The following AKT3 variants were observed in gnomAD, a reference collection of about 807,000 sequenced individuals.
AKT3 encodes the protein RAC-gamma serine/threonine-protein kinase.
In AKT3, 15 loss-of-function variants were observed where a neutral mutation model predicts 65.3. The ratio of observed to expected loss-of-function variants is 0.23; its 90% confidence interval spans 0.15 to 0.35. The LOEUF (loss-of-function observed/expected upper bound fraction) is 0.35. AKT3 is among the 10% of genes least tolerant of loss of function. AKT3 has a pLI of 1.00. For synonymous variants in AKT3, 206 were observed against 183.8 expected (o/e 1.12, Z -0.98); for missense variants, 243 against 576.5 (o/e 0.42, Z 5.92).
At chr1:243,739,933 G>A (rs1418374892) in intron 2 of AKT3, among the ~76,000 whole-genome samples, 1 of 152,232 alleles carries the variant, frequency 6.6e-6, no homozygotes, top group Non-Finnish European at 1.5e-5. Context: ...GCTCTTGTGA[G>A]GGTAAGAACT....
At chr1:243,495,424 G>A (rs1359522301), downstream of AKT3, among the ~76,000 whole-genome samples, 1 of 152,216 alleles carries the variant, frequency 6.6e-6, no homozygotes, top group Non-Finnish European at 1.5e-5. Context: ...AAGGGAAGGA[G>A]GGCTTTGAAC....
At chr1:243,609,907 G>A (rs1677743126) in intron 8 of AKT3, among the ~76,000 whole-genome samples, 1 of 151,986 alleles carries the variant, frequency 6.6e-6, no homozygotes, top group African/African-American at 2.4e-5. Context: ...GCGCCCTCTA[G>A]GAAGCTTTCC....
At chr1:243,588,355 A>G (rs1238038127) in intron 8 of AKT3, among the ~76,000 whole-genome samples, 1 of 152,210 alleles carries the variant, frequency 6.6e-6, no homozygotes, top group Non-Finnish European at 1.5e-5. Context: ...CAGTCAGAGA[A>G]GAGTCATTAC....
chr1:243,742,709 A>G (rs182384648), intron 2 of AKT3, among the ~76,000 whole-genome samples: 87 of 152,304 alleles, frequency 5.7e-4, no homozygotes, highest in African/African-American at 2.0e-3. Context: ...GAATGATAAA[A>G]CAAACGTTTG....
At chr1:243,563,542 A>T (rs1004432391) in intron 10 of AKT3, among the ~76,000 whole-genome samples, 178 bp downstream of exon 10, 3 of 152,230 alleles carry the variant, frequency 2.0e-5, no homozygotes, top group African/African-American at 7.2e-5. Context: ...ATTTAATTTC[A>T]GTATATTCTT....
intron 12 of AKT3, among the ~76,000 whole-genome samples, chr1:243,544,544 G>A (rs1364881606): frequency 6.6e-6 from 1 of 152,058 alleles, no homozygotes; most frequent in African/African-American, 2.4e-5. Flanking sequence ...TTGAGCCTGG[G>A]GAGGTAGAGG....
In AKT3 at chr1:243,545,761, A is replaced by G; in HGVS notation, c.1164-164T>C. The G allele has an allele frequency of 5.2e-6, 3 of 574,720 alleles. No homozygotes were observed. In the South Asian group the frequency reaches 7.5e-5, roughly 14 times the overall value. 35.6% of individuals were successfully genotyped at this position (574,720 alleles called of 1,614,324 possible). On this transcript the variant is annotated intron_variant, in intron 11 of 13. Coordinates refer to ENST00000673466, the MANE Select transcript of AKT3 (RefSeq NM_005465.7). The stretch of plus-strand genomic sequence containing the variant: ...TTTGCTATAAGATCTATTTTTCCTA[A>G]TATGCTTGTAAGAACTAGCTTCAGA...
chr1:243,557,017 C>T (rs187084397), intron 10 of AKT3, among the ~76,000 whole-genome samples: 4 of 152,208 alleles, frequency 2.6e-5, no homozygotes, highest in South Asian at 2.1e-4. Flanking sequence ...GAATGCTGTA[C>T]GCTTTATGGC....
intron 2 of AKT3, among the ~76,000 whole-genome samples, chr1:243,737,741 T>A (rs953984720): frequency 6.6e-6 from 1 of 152,164 alleles, no homozygotes; most frequent in Non-Finnish European, 1.5e-5. Flanking sequence ...GGAGAAGTCA[T>A]TGGATGGCAA....
At chr1:243,751,201 AATC>A (rs1343752790) in intron 2 of AKT3, among the ~76,000 whole-genome samples, 1 of 152,192 alleles carries the variant, frequency 6.6e-6, no homozygotes, top group East Asian at 1.9e-4. Context: ...AGCAGCAAAG[AATC>A]ATGAAGAACA....
At position 243,714,971 on chromosome 1, in the gene AKT3, C is replaced by G. The variant is rs575345021; in HGVS notation, c.47-19255G>C. 9.0e-4 allele frequency among the ~76,000 whole-genome samples: 137 copies of G among 152,140 alleles called. 1 individual carries two copies. The highest frequency in any genetic ancestry group is 3.1e-3 in the African/African-American group (127 of 41,522). On this transcript the variant is annotated intron_variant, in intron 2 of 13. Coordinates refer to ENST00000673466, the MANE Select transcript of AKT3 (RefSeq NM_005465.7). Reference sequence around the variant, plus strand: ...CTAAAACTGACATACTCAACTAGAACTCATATGAATCCTTTAAATTTCAAG... The same window carrying G: ...CTAAAACTGACATACTCAACTAGAAGTCATATGAATCCTTTAAATTTCAAG...
chr1:243,693,279 T>TAC (rs1684837100), intron 3 of AKT3, among the ~76,000 whole-genome samples: 1 of 108,564 alleles, frequency 9.2e-6, no homozygotes, highest in African/African-American at 3.8e-5. Context: ...TATATATATA[T>TAC]ATATATATAT....
chr1:243,540,545 A>G (rs1196668959), intron 12 of AKT3, among the ~76,000 whole-genome samples: 1 of 152,204 alleles, frequency 6.6e-6, no homozygotes, highest in Non-Finnish European at 1.5e-5. Flanking sequence ...TAGTACACAT[A>G]GTTACCATAT....
At chr1:243,675,971 G>C (rs986617058) in intron 3 of AKT3, among the ~76,000 whole-genome samples, 1 of 152,140 alleles carries the variant, frequency 6.6e-6, no homozygotes, top group African/African-American at 2.4e-5. Flanking sequence ...GGTACCCACA[G>C]TATATCAGCC....
At chr1:243,725,366 G>C (rs1014284607) in intron 2 of AKT3, among the ~76,000 whole-genome samples, 1 of 152,176 alleles carries the variant, frequency 6.6e-6, no homozygotes, top group Non-Finnish European at 1.5e-5. Flanking sequence ...TGATGAGTAG[G>C]ACTTCACCAG....
At chr1:243,600,355 A>T (rs1335152827) in intron 8 of AKT3, among the ~76,000 whole-genome samples, 2 of 152,142 alleles carry the variant, frequency 1.3e-5, no homozygotes, top group Non-Finnish European at 2.9e-5. Flanking sequence ...GCAAAACCAA[A>T]TTTAAAAAGA....
intron 2 of AKT3, among the ~76,000 whole-genome samples, chr1:243,812,809 G>A (rs1693250111): frequency 6.6e-6 from 1 of 152,050 alleles, no homozygotes; most frequent in African/African-American, 2.4e-5. Flanking sequence ...AGAAAATGTG[G>A]CATATATATA....
chr1:243,725,279 A>C (rs1395597358), intron 2 of AKT3, among the ~76,000 whole-genome samples: 1 of 152,164 alleles, frequency 6.6e-6, no homozygotes, highest in African/African-American at 2.4e-5. Flanking sequence ...CAGTTTCAGA[A>C]GGAAGAGTTT....
At chr1:243,831,871 G>C (rs1694537583) in intron 2 of AKT3, among the ~76,000 whole-genome samples, 1 of 151,270 alleles carries the variant, frequency 6.6e-6, no homozygotes, top group Non-Finnish European at 1.5e-5. Context: ...CGTCAAGAAA[G>C]AAACAAAATC....
Sources: gnomAD v4.1 joint callset for allele counts (sites outside exome capture counted in the v4.1 genomes callset) on GRCh38, gnomAD v4.1.1 for gene constraint, MANE v1.5 for transcripts, NCBI Gene and HGNC (gene_info 2026-07-23, HGNC 2026-07-21) for gene names.